The following ANOS1 variants were observed in gnomAD, a reference collection of about 807,000 sequenced individuals.
The protein encoded by ANOS1 is anosmin 1, also known as anosmin-1.
ANOS1 carries 6 observed loss-of-function variants against 59.0 expected under a neutral mutation model. The ratio of observed to expected loss-of-function variants is 0.10; its 90% CI spans 0.06 to 0.20. ANOS1 has a LOEUF of 0.20. Among genes scored for constraint, ANOS1 ranks in the 10% least tolerant of loss-of-function variants. ANOS1 has a pLI of 1.00. For synonymous variants in ANOS1, 217 were observed against 223.4 expected (o/e 0.97, Z 0.25); for missense variants, 433 against 542.3 (o/e 0.80, Z 2.00).
intron 3 of ANOS1, among the ~76,000 whole-genome samples, chrX:8,622,912 G>A (rs986864813): frequency 8.9e-6 from 1 of 112,026 alleles, no homozygotes; most frequent in African/African-American, 3.2e-5. Context: ...AGATGAATGG[G>A]TAGATACAAG....
chrX:8,584,186 A>G (rs1204776591), intron 6 of ANOS1, among the ~76,000 whole-genome samples: 1 of 112,140 alleles, frequency 8.9e-6, no homozygotes, highest in African/African-American at 3.2e-5. Flanking sequence ...ACATCTCTGG[A>G]TCGCATTTGA....
At chrX:8,570,140 C>CAAA (rs34481364) in intron 7 of ANOS1, among the ~76,000 whole-genome samples, 28 of 73,846 alleles carry the variant, frequency 3.8e-4, no homozygotes, top group African/African-American at 1.1e-3. Flanking sequence ...CTCTCTCTCT[C>CAAA]AAAAAAAAAA....
chrX:8,727,131 CTTTGAG>C (rs1288722400), intron 1 of ANOS1, among the ~76,000 whole-genome samples: 1 of 112,119 alleles, frequency 8.9e-6, no homozygotes, highest in African/African-American at 3.2e-5. Flanking sequence ...TGCTGAAATT[CTTTGAG>C]TTTGAGTTTT....
chrX:8,660,573 G>A (rs897635517), intron 2 of ANOS1, among the ~76,000 whole-genome samples: 3 of 110,730 alleles, frequency 2.7e-5, no homozygotes, highest in South Asian at 3.9e-4. Context: ...CCAGGAGTTC[G>A]AGACCAGCCT....
chrX:8,587,677 A>T, intron 5 of ANOS1, 117 bp downstream of exon 5: 1 of 544,725 alleles, frequency 1.8e-6, no homozygotes, highest in South Asian at 2.7e-5. Flanking sequence ...TTCATATCTG[A>T]GTAATTTATT....
intron 3 of ANOS1, among the ~76,000 whole-genome samples, chrX:8,616,096 T>C (rs1050782304): frequency 9.0e-6 from 1 of 111,050 alleles, no homozygotes; most frequent in African/African-American, 3.3e-5. Flanking sequence ...TCCCTCTCTG[T>C]TTCCTCCAAC....
intron 1 of ANOS1, among the ~76,000 whole-genome samples, chrX:8,718,438 G>T (rs918364337): frequency 1.8e-5 from 2 of 112,373 alleles, no homozygotes; most frequent in African/African-American, 6.5e-5. Context: ...ATTAATGGTG[G>T]ACACCACCCT....
At chrX:8,706,485 T>C (rs1932780529) in intron 1 of ANOS1, among the ~76,000 whole-genome samples, 1 of 112,320 alleles carries the variant, frequency 8.9e-6, no homozygotes. Context: ...CAAGTCATTA[T>C]ATATTTGTCC....
At chrX:8,678,842 AACAGTTGTAATCC>A (rs1932376565) in intron 2 of ANOS1, among the ~76,000 whole-genome samples, 1 of 112,027 alleles carries the variant, frequency 8.9e-6, no homozygotes, top group East Asian at 2.8e-4. Flanking sequence ...CGTGAGCCCC[AACAGTTGTAATCC>A]ACAGCCTCTT....
intron 1 of ANOS1, 110 bp downstream of exon 1, chrX:8,731,720 G>C: frequency 9.0e-7 from 1 of 1,106,195 alleles, no homozygotes; most frequent in South Asian, 2.2e-5. Flanking sequence ...AGGATCAGCC[G>C]GCGGCGCTGG....
chrX:8,683,766 C>T (rs1206917453), intron 2 of ANOS1, among the ~76,000 whole-genome samples: 2 of 111,588 alleles, frequency 1.8e-5, no homozygotes, highest in African/African-American at 3.3e-5. Flanking sequence ...GCTGCTGCTG[C>T]GAATGCATGA....
At chrX:8,579,909 T>C (rs1174395329) in intron 6 of ANOS1, among the ~76,000 whole-genome samples, 1 of 112,029 alleles carries the variant, frequency 8.9e-6, no homozygotes, top group Admixed American at 9.5e-5. Context: ...CTACACCCTG[T>C]CCTACTTCCC....
intron 2 of ANOS1, among the ~76,000 whole-genome samples, chrX:8,626,543 A>G (rs1412020503): frequency 9.0e-6 from 1 of 111,680 alleles, no homozygotes; most frequent in Non-Finnish European, 1.9e-5. Flanking sequence ...AACAATTTTA[A>G]TAGTAATGAA....
chrX:8,568,567 C>T (rs1930162708), intron 7 of ANOS1, among the ~76,000 whole-genome samples, 191 bp from the exon 8 acceptor site: 1 of 110,810 alleles, frequency 9.0e-6, no homozygotes, highest in Admixed American at 9.7e-5. Context: ...GGTGCGGTGG[C>T]TCCTGACTGC....
intron 1 of ANOS1, among the ~76,000 whole-genome samples, chrX:8,711,725 T>C (rs1370270656): frequency 8.9e-6 from 1 of 112,640 alleles, no homozygotes; most frequent in East Asian, 2.8e-4. Context: ...CGATTAGCCA[T>C]GGAGAAGTCA....
chrX:8,572,564 T>G (rs1930251280), intron 6 of ANOS1, among the ~76,000 whole-genome samples: 1 of 112,230 alleles, frequency 8.9e-6, no homozygotes, highest in Admixed American at 9.5e-5. Context: ...TTCCATGTCT[T>G]TGCTATTGTG....
At position 8,594,643 on chromosome X, in the gene ANOS1, C is replaced by CAT. The variant is rs1265106253; in HGVS notation, c.541+2389_541+2390dup. Among the ~76,000 whole-genome samples the CAT allele has an allele frequency of 6.1e-3, 279 of 45,633 alleles. 7 individuals carry two copies. Among genetic ancestry groups the CAT allele is most frequent in the Middle Eastern group, 0.027 (2 of 73 alleles). 39.6% of individuals were successfully genotyped at this position (45,633 alleles called of 115,157 possible). A position where few individuals can be genotyped will look rare whatever the true frequency, so the allele number is the denominator to read the frequency against. On this transcript the variant is annotated intron_variant, in intron 4 of 13. Coordinates refer to ENST00000262648, the MANE Select transcript of ANOS1 (RefSeq NM_000216.4). ...TGAAGAAAGCAAGAAAAAAAATCTA[C>CAT]ATATATATATATGTGTATATATATA...
intron 2 of ANOS1, among the ~76,000 whole-genome samples, chrX:8,645,903 C>G (rs1358358823): frequency 2.7e-5 from 3 of 112,316 alleles, no homozygotes; most frequent in Non-Finnish European, 5.6e-5. Context: ...CTCGGCCTCC[C>G]AAAGTGCTGG....
chrX:8,623,526 A>G (rs1931334301), intron 3 of ANOS1, 82 bp downstream of exon 3: 1 of 682,496 alleles, frequency 1.5e-6, no homozygotes, highest in African/African-American at 2.1e-5. Flanking sequence ...GAAGAATAAG[A>G]AGGCCCATTC....
Sources: allele counts gnomAD v4.1 joint callset (sites outside exome capture counted in the v4.1 genomes callset), GRCh38; gene constraint gnomAD v4.1.1; transcripts MANE v1.5; gene names NCBI Gene and HGNC (gene_info 2026-07-23, HGNC 2026-07-21).